EBF3: variants seen among roughly 807,000 people sequenced by gnomAD.
The protein encoded by EBF3 is EBF transcription factor 3.
A neutral mutation model predicts 77.1 loss-of-function variants in EBF3; 18 were observed. That is an observed-to-expected ratio of 0.23 (90% CI 0.16 to 0.35). The LOEUF (loss-of-function observed/expected upper bound fraction) is 0.35, where lower values mean the gene tolerates loss of function less well. Ranked by LOEUF, EBF3 falls within the 10% of genes least tolerant of loss-of-function variation. EBF3 has a pLI of 1.00. For synonymous variants in EBF3, 350 were observed against 343.5 expected, an observed-to-expected ratio of 1.02 and a Z score of -0.21; for missense variants, 558 against 860.0, an observed-to-expected ratio of 0.65 and a Z score of 4.39.
intron 6 of EBF3, among the ~76,000 whole-genome samples, chr10:129,954,412 TC>T (rs543249584): frequency 0.029 from 4,067 of 142,350 alleles, 82 homozygotes; most frequent in Non-Finnish European, 0.036. Flanking sequence ...CAGCCTCACT[TC>T]CCCCCCCCCT....
rs144002349 is a variant in EBF3, at chr10:129,840,954, T to C, written c.1451A>G (p.Asn484Ser). Residue 484 changes from asparagine to serine, a missense_variant, in exon 14 of 17, where the codon AAC (asparagine) becomes AGC (serine). By Grantham distance (46) the Asn-to-Ser change is conservative. This residue lies in a region of EBF3 where 284 missense variants were observed against 368.3 expected (regional missense o/e 0.77). Transcript: ENST00000440978. ...TCCATTCATGCTAGTGCTGACTGTG[T>C]TGTAATTGGACTGCTGGGGAGTACT... ...PSSTPQQSNY[N>S]TVSTSMNGYG... 135 of 1,613,504 alleles carry C rather than the reference T, an allele frequency of 8.4e-5. No individual in the cohort carries two copies. Among genetic ancestry groups the C allele is most frequent in the Non-Finnish European group, 9.9e-5 (117 of 1,179,956 alleles).
In EBF3 at chr10:129,943,520, T is replaced by TC. The variant is rs1857942393; in HGVS notation, c.554+13737dup. ...GAGGTTAGAGATTGGATAATTTCTT[T>TC]CAGCTGGACCTGGCCTCCAGCGCAC... On this transcript the variant is annotated intron_variant, in intron 6 of 16. Transcript: ENST00000440978. The surrounding 1 kb of genome is among the most constrained non-coding windows in gnomAD (Gnocchi z 8.8). 6.6e-6 allele frequency among the ~76,000 whole-genome samples: 1 copy of TC among 152,192 alleles called. No individual in the cohort carries two copies. The highest frequency in any genetic ancestry group is 1.5e-5 in the Non-Finnish European group (1 of 68,044).
intron 6 of EBF3, among the ~76,000 whole-genome samples, chr10:129,945,484 G>A (rs1422573475): frequency 1.3e-5 from 2 of 152,146 alleles, no homozygotes; most frequent in Non-Finnish European, 2.9e-5. Context: ...CAGTCCTCCG[G>A]CCTCCACTGC....
At chr10:129,939,480 T>C (rs992819759) in intron 6 of EBF3, among the ~76,000 whole-genome samples, 6 of 152,256 alleles carry the variant, frequency 3.9e-5, no homozygotes, top group African/African-American at 7.2e-5. Context: ...GTTCTGACTA[T>C]GCAGATCTCA....
intron 6 of EBF3, among the ~76,000 whole-genome samples, chr10:129,933,009 C>T (rs1857129426): frequency 6.7e-6 from 1 of 148,236 alleles, no homozygotes; most frequent in African/African-American, 2.5e-5. Flanking sequence ...TTGATTCAGT[C>T]AACACTGATT....
intron 6 of EBF3, among the ~76,000 whole-genome samples, chr10:129,915,126 G>A (rs776140463): frequency 9.9e-5 from 15 of 152,172 alleles, no homozygotes; most frequent in Non-Finnish European, 2.2e-4. Flanking sequence ...GACAGCACTG[G>A]GGCAGAGGGA....
chr10:129,877,540 GTTCGCTATA>G (rs1166162168), intron 7 of EBF3, among the ~76,000 whole-genome samples: 4 of 147,982 alleles, frequency 2.7e-5, no homozygotes, highest in Non-Finnish European at 5.9e-5. Flanking sequence ...TAAGTTCGCT[GTTCGCTATA>G]TTGTGCCCAC....
At chr10:129,950,363 G>A (rs971003225) in intron 6 of EBF3, among the ~76,000 whole-genome samples, 5 of 152,206 alleles carry the variant, frequency 3.3e-5, no homozygotes, top group African/African-American at 1.2e-4. Flanking sequence ...AACTTCCAGC[G>A]AAGGAATTGG....
intron 10 of EBF3, among the ~76,000 whole-genome samples, chr10:129,862,845 T>C (rs1851734780): frequency 6.6e-6 from 1 of 152,238 alleles, no homozygotes; most frequent in Non-Finnish European, 1.5e-5. Context: ...CTCTTAACCA[T>C]TTGATGCGTT....
chr10:129,857,636 C>G (rs1016792514), intron 10 of EBF3, among the ~76,000 whole-genome samples: 1 of 152,230 alleles, frequency 6.6e-6, no homozygotes, highest in Admixed American at 6.5e-5. Flanking sequence ...GACCTCAAGT[C>G]AGTGTGATAG....
chr10:129,844,586 G>A (rs1014119771), intron 11 of EBF3, among the ~76,000 whole-genome samples: 2 of 152,024 alleles, frequency 1.3e-5, no homozygotes, highest in Non-Finnish European at 2.9e-5. Context: ...CCAACATGCC[G>A]ACTCTGGACC....
chr10:129,847,774 A>C (rs1564821696), intron 11 of EBF3, among the ~76,000 whole-genome samples: 1 of 152,260 alleles, frequency 6.6e-6, no homozygotes. Context: ...CTTTAATGTT[A>C]TACATCAAAA....
At chr10:129,869,452 A>G (rs1440550829) in intron 8 of EBF3, among the ~76,000 whole-genome samples, 2 of 151,848 alleles carry the variant, frequency 1.3e-5, no homozygotes, top group Non-Finnish European at 1.5e-5. Flanking sequence ...TGCAGACAAG[A>G]GCCCTCCAAA....
At position 129,933,145 on chromosome 10, in the gene EBF3, T is replaced by C. The variant is rs561352539; in HGVS notation, c.554+24113A>G. ...GACGTGGAGGAGGGTCAGTCCTGATTCCGCCACGGTGATCATATCTGCCTC... is the reference window on the plus strand; with the variant it reads ...GACGTGGAGGAGGGTCAGTCCTGATCCCGCCACGGTGATCATATCTGCCTC... On this transcript the variant is annotated intron_variant, in intron 6 of 16. Coordinates refer to ENST00000440978, the MANE Select transcript of EBF3 (RefSeq NM_001375380.1). Among the ~76,000 whole-genome samples, 645 of 152,294 alleles carry C rather than the reference T, an allele frequency of 4.2e-3. 5 individuals carry two copies. The highest frequency in any genetic ancestry group is 0.021 in the South Asian group (102 of 4,824).
chr10:129,838,553 A>G (rs1849772334), intron 16 of EBF3, among the ~76,000 whole-genome samples: 1 of 152,166 alleles, frequency 6.6e-6, no homozygotes, highest in African/African-American at 2.4e-5. Flanking sequence ...CCTCCAGGCA[A>G]GGGCCACGGA....
Position 129,943,070 on chromosome 10 carries a change from AC to A in EBF3, c.554+14187del, listed in dbSNP as rs1857894772. Among the ~76,000 whole-genome samples, 1 of 152,106 alleles carries A rather than the reference AC, an allele frequency of 6.6e-6. No homozygotes were observed. The highest frequency in any genetic ancestry group is 1.5e-5 in the Non-Finnish European group (1 of 68,022). ...AACCGATTCCTGTCCTCCATTCTAA[AC>A]CACTTTGCCTGCACGATGGGAATGA... On this transcript the variant is annotated intron_variant, in intron 6 of 16. Transcript: ENST00000440978. This position sits in a 1 kb window ranked among gnomAD's most constrained non-coding sequence, Gnocchi z 8.8.
At chr10:129,871,425 C>T (rs1199752790) in intron 8 of EBF3, among the ~76,000 whole-genome samples, 2 of 152,150 alleles carry the variant, frequency 1.3e-5, no homozygotes, top group African/African-American at 2.4e-5. Context: ...AAACCATCAG[C>T]GACTGTGTAC....
At chr10:129,849,694 A>G (rs1434104428) in intron 10 of EBF3, among the ~76,000 whole-genome samples, 3 of 152,208 alleles carry the variant, frequency 2.0e-5, no homozygotes, top group African/African-American at 7.2e-5. Flanking sequence ...TTGACATTCC[A>G]TCATACATCC....
intron 6 of EBF3, among the ~76,000 whole-genome samples, chr10:129,887,054 C>CGGGGGGG (rs1226242130): frequency 9.4e-5 from 1 of 10,594 alleles, no homozygotes. Flanking sequence ...GGGTTGTGGG[C>CGGGGGGG]GGGGGGGGGG....
Sources: gnomAD v4.1 joint callset for allele counts (sites outside exome capture counted in the v4.1 genomes callset) on GRCh38, gnomAD v4.1.1 for gene constraint, gnomAD v4.1.1 regional missense constraint, Gnocchi (gnomAD v3.1) non-coding constraint, MANE v1.5 for transcripts, NCBI Gene and HGNC (gene_info 2026-07-23, HGNC 2026-07-21) for gene names.